Variants in MIS18A observed in about 807,000 individuals in gnomAD.
MIS18A encodes the protein MIS18 kinetochore protein A.
MIS18A carries 14 observed loss-of-function variants against 25.0 expected under a neutral mutation model. That is an observed-to-expected ratio of 0.56 (90% CI 0.37 to 0.88). The LOEUF (loss-of-function observed/expected upper bound fraction) is 0.88. Among genes scored for constraint, MIS18A ranks in the 40% least tolerant of loss-of-function variants. The pLI is 0.00. For missense variants in MIS18A, 292 were observed against 290.8 expected, an observed-to-expected ratio of 1.00 and a Z score of -0.03; for synonymous variants, 134 against 118.6, an observed-to-expected ratio of 1.13 and a Z score of -0.84.
chr21:32,159,872 T>C, the MIS18A span, among the ~76,000 whole-genome samples: 1 of 152,172 alleles, frequency 6.6e-6, no homozygotes, highest in African/African-American at 2.4e-5. Context: ...CCAAGTTTTA[T>C]TGTGCAGAGG....
chr21:32,260,845 C>T, the MIS18A span: 1 of 152,206 alleles, frequency 6.6e-6, no homozygotes. Context: ...AACCCCATCC[C>T]TACTAAAAAC....
the MIS18A span, among the ~76,000 whole-genome samples, chr21:32,199,315 A>C: frequency 6.6e-6 from 1 of 152,054 alleles, no homozygotes; most frequent in Non-Finnish European, 1.5e-5. Context: ...ATTATTCAGG[A>C]CCAACTGGAG....
At chr21:32,194,814 C>T in the MIS18A span, among the ~76,000 whole-genome samples, 8 of 152,258 alleles carry the variant, frequency 5.3e-5, no homozygotes, top group East Asian at 1.5e-3. Context: ...ACTGCAACTT[C>T]TCACTTACAA....
the MIS18A span, among the ~76,000 whole-genome samples, chr21:32,158,599 C>T: frequency 5.3e-5 from 8 of 151,922 alleles, no homozygotes; most frequent in African/African-American, 9.7e-5. Context: ...CTCAGCCTCC[C>T]GAGTAGCTGG....
intron 2 of MIS18A, 81 bp downstream of exon 2, chr21:32,274,749 C>G: frequency 9.4e-7 from 1 of 1,069,400 alleles, no homozygotes; most frequent in South Asian, 1.4e-5. Context: ...CCCAAGTAAT[C>G]TTACTACTAG....
At chr21:32,210,253 T>C in the MIS18A span, among the ~76,000 whole-genome samples, 1 of 152,178 alleles carries the variant, frequency 6.6e-6, no homozygotes, top group African/African-American at 2.4e-5. Flanking sequence ...ACAGAATTAT[T>C]GTGAGGATTA....
downstream of MIS18A, among the ~76,000 whole-genome samples, chr21:32,266,326 T>C (rs1460822362): frequency 6.6e-6 from 1 of 152,150 alleles, no homozygotes; most frequent in Non-Finnish European, 1.5e-5. Flanking sequence ...AACAGGCCAC[T>C]CGGCTCTACC....
the MIS18A span, among the ~76,000 whole-genome samples, chr21:32,186,694 G>T: frequency 7.1e-4 from 108 of 152,124 alleles, no homozygotes; most frequent in African/African-American, 2.5e-3. Flanking sequence ...GAGCAATAAG[G>T]CCAGTCTTTA....
chr21:32,159,651 C>T, the MIS18A span, among the ~76,000 whole-genome samples: 3 of 152,134 alleles, frequency 2.0e-5, no homozygotes, highest in South Asian at 4.1e-4. Flanking sequence ...TGGGCTACAG[C>T]TTGGTTTTAT....
chr21:32,266,282 G>A (rs999588948), downstream of MIS18A, among the ~76,000 whole-genome samples: 7 of 152,146 alleles, frequency 4.6e-5, no homozygotes, highest in African/African-American at 1.7e-4. Flanking sequence ...ATCTAGCTCA[G>A]GGATTGTAAA....
At chr21:32,174,735 G>A in the MIS18A span, among the ~76,000 whole-genome samples, 2 of 151,698 alleles carry the variant, frequency 1.3e-5, no homozygotes, top group Non-Finnish European at 2.9e-5. Context: ...ATGACAGTAA[G>A]AATGATGAAA....
the MIS18A span, among the ~76,000 whole-genome samples, chr21:32,195,382 C>G: frequency 6.6e-6 from 1 of 152,208 alleles, no homozygotes; most frequent in Admixed American, 6.5e-5. Flanking sequence ...TGCAAGTTCT[C>G]AGACCAAGTT....
the MIS18A span, among the ~76,000 whole-genome samples, chr21:32,231,773 C>G: frequency 2.0e-5 from 3 of 152,000 alleles, no homozygotes; most frequent in Non-Finnish European, 4.4e-5. Flanking sequence ...ATTAGCCGGG[C>G]GTGGTGGCGG....
the MIS18A span, among the ~76,000 whole-genome samples, chr21:32,198,906 T>TG: frequency 1.7e-4 from 22 of 131,912 alleles, no homozygotes; most frequent in East Asian, 2.0e-3. Flanking sequence ...AGGCTCTGTC[T>TG]AAAAAAAAAA....
chr21:32,258,385 G>A, the MIS18A span, among the ~76,000 whole-genome samples: 2 of 152,150 alleles, frequency 1.3e-5, no homozygotes, highest in African/African-American at 2.4e-5. Flanking sequence ...TTTTAATTAA[G>A]AATGTTGGTT....
the MIS18A span, among the ~76,000 whole-genome samples, chr21:32,205,053 C>T: frequency 3.0e-4 from 46 of 151,414 alleles, no homozygotes; most frequent in African/African-American, 9.9e-4. Context: ...TTGCCTTTGC[C>T]TACCTCAGTG....
At chr21:32,269,922 G>T in intron 3 of MIS18A, 119 bp from the exon 4 acceptor site, 1 of 660,820 alleles carries the variant, frequency 1.5e-6, no homozygotes, top group Non-Finnish European at 2.7e-6. Flanking sequence ...AACCAGCCTG[G>T]GCAACACAAG....
At chr21:32,255,405 A>AT in the MIS18A span, among the ~76,000 whole-genome samples, 16 of 151,408 alleles carry the variant, frequency 1.1e-4, no homozygotes, top group South Asian at 2.1e-4. Flanking sequence ...TAATTTTTGT[A>AT]TTTTTTTAGT....
chr21:32,248,849 T>A, the MIS18A span, among the ~76,000 whole-genome samples: 1 of 152,166 alleles, frequency 6.6e-6, no homozygotes, highest in Non-Finnish European at 1.5e-5. Flanking sequence ...TTTTGTCTTG[T>A]AGCAAAAGGA....
Sources: allele counts gnomAD v4.1 joint callset (sites outside exome capture counted in the v4.1 genomes callset), GRCh38; gene constraint gnomAD v4.1.1; transcripts MANE v1.5; gene names NCBI Gene and HGNC (gene_info 2026-07-23, HGNC 2026-07-21).